The following DPP10 variants were observed in gnomAD, a reference collection of about 807,000 sequenced individuals.
DPP10 encodes dipeptidyl peptidase like 10.
DPP10 carries 33 observed loss-of-function variants against 120.9 expected under a neutral mutation model. The ratio of observed to expected loss-of-function variants is 0.27; its 90% CI spans 0.21 to 0.37. The LOEUF (loss-of-function observed/expected upper bound fraction) is 0.37. DPP10 is among the 10% of genes least tolerant of loss of function. DPP10 has a pLI of 1.00. For missense variants in DPP10, 816 were observed against 942.8 expected (o/e 0.87, Z 1.76); for synonymous variants, 337 against 326.1 (o/e 1.03, Z -0.36).
intron 1 of DPP10, among the ~76,000 whole-genome samples, chr2:114,495,734 C>T (rs1242912988): frequency 6.6e-6 from 1 of 152,098 alleles, no homozygotes; most frequent in East Asian, 1.9e-4. Context: ...ATCTAGAGAA[C>T]TTTTGATTAA....
chr2:114,452,489 ACT>A (rs1320641799), intron 1 of DPP10, among the ~76,000 whole-genome samples: 1 of 151,998 alleles, frequency 6.6e-6, no homozygotes, highest in African/African-American at 2.4e-5. Flanking sequence ...CCTAGTCTAG[ACT>A]CTCATTTTGC....
intron 3 of DPP10, among the ~76,000 whole-genome samples, chr2:115,458,057 C>T (rs1270225887): frequency 2.0e-5 from 3 of 151,968 alleles, no homozygotes; most frequent in South Asian, 4.1e-4. Flanking sequence ...ATATGTACTG[C>T]GTATTGTATG....
chr2:114,751,659 A>T (rs1380508802), intron 1 of DPP10, among the ~76,000 whole-genome samples: 1 of 152,218 alleles, frequency 6.6e-6, no homozygotes, highest in Non-Finnish European at 1.5e-5. Context: ...AAGGTTAACG[A>T]GGGCAGAGCA....
At chr2:115,246,832 A>T (rs533492212) in intron 1 of DPP10, among the ~76,000 whole-genome samples, 40 of 152,280 alleles carry the variant, frequency 2.6e-4, no homozygotes, top group African/African-American at 9.1e-4. Flanking sequence ...CCATGTTCAC[A>T]TCTTGAAGAG....
At position 114,663,638 on chromosome 2, in the gene DPP10, CAG is replaced by C. The variant is rs1333376640; in HGVS notation, c.60+220802_60+220803del. ...ACATATATGTCTATATATACATGTA[CAG>C]ATATATATATATATATATATATATA... On this transcript the variant is annotated intron_variant, in intron 1 of 25. Coordinates refer to ENST00000410059, the MANE Select transcript of DPP10 (RefSeq NM_020868.6). Among the ~76,000 whole-genome samples, 171 of 94,626 alleles carry C rather than the reference CAG, an allele frequency of 1.8e-3. 1 individual carries two copies. The highest frequency in any genetic ancestry group is 9.6e-3 in the African/African-American group (165 of 17,164). 62.1% of individuals were successfully genotyped at this position (94,626 alleles called of 152,430 possible). A position where few individuals can be genotyped will look rare whatever the true frequency, so the allele number is the denominator to read the frequency against.
intron 2 of DPP10, among the ~76,000 whole-genome samples, chr2:115,322,724 A>G (rs930010100): frequency 6.6e-6 from 1 of 152,234 alleles, no homozygotes; most frequent in South Asian, 2.1e-4. Flanking sequence ...CACTGCAGTT[A>G]AACAACTATT....
chr2:115,535,399 A>G (rs989190832), intron 5 of DPP10, among the ~76,000 whole-genome samples: 5 of 151,844 alleles, frequency 3.3e-5, no homozygotes, highest in African/African-American at 1.2e-4. Flanking sequence ...TTTTTCTCAG[A>G]TTTCTCAAAG....
rs146245418 is a variant in DPP10 at position 114,884,620 on chromosome 2, C to A, written c.61-424619C>A. On this transcript the variant is annotated intron_variant, in intron 1 of 25. Coordinates refer to ENST00000410059, the MANE Select transcript of DPP10 (RefSeq NM_020868.6). ...TGGTGTTTGGTTATATGAATATGTT[C>A]TTTAATGGTGATTTCTGAGATTTTG... 2.6e-5 allele frequency among the ~76,000 whole-genome samples: 4 copies of A among 152,176 alleles called. No individual in the cohort carries two copies. The East Asian group carries it at 7.8e-4, about 30-fold the overall frequency.
chr2:115,488,662 T>G, intron 3 of DPP10, among the ~76,000 whole-genome samples: 1 of 104,768 alleles, frequency 9.5e-6, no homozygotes, highest in Admixed American at 1.0e-4. Context: ...TTCTCACTCA[T>G]AGGTGGGAAT....
chr2:115,538,267 G>A (rs189187329), intron 5 of DPP10, among the ~76,000 whole-genome samples: 1 of 152,106 alleles, frequency 6.6e-6, no homozygotes, highest in Non-Finnish European at 1.5e-5. Flanking sequence ...GTTAGGTGTA[G>A]TGAGGTTAGG....
intron 3 of DPP10, 141 bp from the exon 4 acceptor site, chr2:115,499,369 A>T: frequency 1.6e-6 from 1 of 609,398 alleles, no homozygotes; most frequent in East Asian, 3.0e-5. Flanking sequence ...ATGAATGCCA[A>T]GTACAGAAAT....
At chr2:115,529,907 T>A (rs1237509507) in intron 5 of DPP10, among the ~76,000 whole-genome samples, 1 of 152,166 alleles carries the variant, frequency 6.6e-6, no homozygotes. Flanking sequence ...AGTAACTTTG[T>A]GTAATTTAGG....
chr2:114,512,234 G>C (rs866203777), intron 1 of DPP10, among the ~76,000 whole-genome samples: 1 of 152,120 alleles, frequency 6.6e-6, no homozygotes, highest in Non-Finnish European at 1.5e-5. Flanking sequence ...ATAACCAGGG[G>C]ACCACGGTGT....
intron 1 of DPP10, among the ~76,000 whole-genome samples, chr2:114,448,800 A>G (rs928697505): frequency 8.5e-5 from 13 of 152,182 alleles, no homozygotes; most frequent in African/African-American, 2.9e-4. Flanking sequence ...CATTAGGTTT[A>G]TCTCTTTTAT....
At chr2:115,698,595 CTCTT>C (rs1328799160) in intron 7 of DPP10, among the ~76,000 whole-genome samples, 3 of 152,154 alleles carry the variant, frequency 2.0e-5, no homozygotes, top group Non-Finnish European at 4.4e-5. Flanking sequence ...TGCTGTCACT[CTCTT>C]TCACTCTTGC....
At chr2:114,792,998 G>A (rs928418591) in intron 1 of DPP10, among the ~76,000 whole-genome samples, 2 of 142,260 alleles carry the variant, frequency 1.4e-5, no homozygotes, top group African/African-American at 5.1e-5. Context: ...TATTGTGTGT[G>A]TGTGTGTGTG....
At chr2:114,844,189 C>A (rs1350866258) in intron 1 of DPP10, among the ~76,000 whole-genome samples, 2 of 152,082 alleles carry the variant, frequency 1.3e-5, no homozygotes, top group Non-Finnish European at 2.9e-5. Context: ...TTGGTAACTA[C>A]CCCTGGTATT....
intron 1 of DPP10, among the ~76,000 whole-genome samples, chr2:115,200,255 A>G (rs928095414): frequency 6.6e-6 from 1 of 152,184 alleles, no homozygotes; most frequent in African/African-American, 2.4e-5. Context: ...GAAGAATGAA[A>G]GCATTGAGAG....
intron 5 of DPP10, among the ~76,000 whole-genome samples, chr2:115,623,145 C>T (rs1284842507): frequency 6.6e-6 from 1 of 152,046 alleles, no homozygotes; most frequent in African/African-American, 2.4e-5. Context: ...GTGCCCGGCT[C>T]CATTCATTTA....
Sources: allele counts gnomAD v4.1 joint callset (sites outside exome capture counted in the v4.1 genomes callset), GRCh38; gene constraint gnomAD v4.1.1; transcripts MANE v1.5; gene names NCBI Gene and HGNC (gene_info 2026-07-23, HGNC 2026-07-21).